Variants in WDR83OS observed in about 807,000 individuals in gnomAD.
The protein encoded by WDR83OS is WD repeat domain 83 opposite strand.
WDR83OS carries 15 observed loss-of-function variants against 13.7 expected under a neutral mutation model. The ratio of observed to expected loss-of-function variants is 1.09; its 90% CI spans 0.73 to 1.69. The LOEUF (loss-of-function observed/expected upper bound fraction) is 1.69. WDR83OS is among the 40% of genes most tolerant of loss of function. The probability of loss-of-function intolerance (pLI) is 0.00; values close to 1 mark genes in which losing one functional copy is unlikely to be tolerated. For missense variants in WDR83OS, 145 were observed against 143.2 expected (o/e 1.01, Z -0.06); for synonymous variants, 68 against 52.9 (o/e 1.29, Z -1.24).
chr19:12,668,168 G>A lies in WDR83OS; in HGVS notation c.*191C>T. On this transcript the variant is annotated 3_prime_UTR_variant, in exon 4 of 4. Transcript: ENST00000596731. ...GCATCTCCCCCAGCAGCAGGCAGGG[G>A]AAGGGAGGCAGGAGGGGTAAGCCTA... 1.7e-6 allele frequency: 1 copy of A among 587,868 alleles called. No homozygotes were observed. The highest frequency in any genetic ancestry group is 2.0e-5 in the South Asian group (1 of 49,520). 36.4% of individuals were successfully genotyped at this position (587,868 alleles called of 1,614,324 possible).
intron 1 of WDR83OS, 39 bp from the exon 2 acceptor site, chr19:12,669,272 C>T (rs770718756): frequency 1.9e-6 from 3 of 1,609,910 alleles, no homozygotes; most frequent in South Asian, 2.2e-5. Context: ...TCAGGTCCTG[C>T]CCCCGGGATA....
rs141385449 is a variant in WDR83OS at position 12,668,958 on chromosome 19, C to T, written c.156+170G>A. On this transcript the variant is annotated intron_variant, in intron 2 of 3. Transcript: ENST00000596731. ...TCCCCAACCTGACTCGAATCCTTGA[C>T]TTCACCAAAGACTGGGGCTTTCTCG... is the stretch of plus-strand genomic sequence containing the variant. 2.6e-5 allele frequency among the ~76,000 whole-genome samples: 4 copies of T among 152,306 alleles called. No individual in the cohort carries two copies. The East Asian group carries it at 7.7e-4, about 29-fold the overall frequency.
Position 12,668,366 on chromosome 19 carries a change from G to A in WDR83OS, c.314C>T (p.Pro105Leu). The A allele has an allele frequency of 1.2e-6, 2 of 1,612,544 alleles. No individual in the cohort carries two copies. The highest frequency in any genetic ancestry group is 1.7e-6 in the Non-Finnish European group (2 of 1,179,516). The change falls in exon 4 of 4, where the codon CCA becomes CTA. Residue 105 changes from proline (P) to leucine (L), a missense_variant. By Grantham distance (98) the Pro-to-Leu change is moderately conservative. Transcript: ENST00000596731. Reference protein sequence around the residue: ...YLQNPQPMTPPW With the variant: ...YLQNPQPMTPLW The stretch of plus-strand genomic sequence containing the variant: ...GACCCTTCTAGGCTGGTATCACCAT[G>A]GGGGCGTCATGGGCTGAGGATTCTG...
At chr19:12,668,903 C>T (rs930627027) in intron 2 of WDR83OS, among the ~76,000 whole-genome samples, 1 of 152,150 alleles carries the variant, frequency 6.6e-6, no homozygotes, top group African/African-American at 2.4e-5. Flanking sequence ...GCTTCAAAGC[C>T]TGGCCCCACT....
At chr19:12,668,758 C>T (rs1599364750) in intron 2 of WDR83OS, 141 bp from the exon 3 acceptor site, 2 of 715,330 alleles carry the variant, frequency 2.8e-6, no homozygotes, top group South Asian at 3.2e-5. Flanking sequence ...TTCCTCAGTC[C>T]CACCTGCTCA....
In WDR83OS at chr19:12,668,520, A is replaced by C; in HGVS notation, c.254T>G (p.Met85Arg). 1 of 1,614,152 alleles carries C rather than the reference A, an allele frequency of 6.2e-7. No individual in the cohort carries two copies. The highest frequency in any genetic ancestry group is 2.2e-5 in the East Asian group (1 of 44,886). Residue 85 changes from methionine to arginine, a missense_variant and splice_region_variant, in exon 3 of 4, where the codon ATG becomes AGG. Coordinates refer to ENST00000596731, the MANE Select transcript of WDR83OS (RefSeq NM_016145.4). ...EDTKQMMSSF[M>R]LSISAVVMSY... is the part of the protein sequence containing the mutation. The stretch of plus-strand genomic sequence containing the variant: ...ACTTGTTCTGTAGGGCAAGTCTCAC[A>C]TGAAGCTACTCATCATTTGCTTCGT...
Position 12,668,513 on chromosome 19 carries a change from G to C in WDR83OS, c.254+7C>G, listed in dbSNP as rs1032836220. The C allele has an allele frequency of 8.1e-6, 13 of 1,614,082 alleles. No homozygotes were observed. In the East Asian group the frequency reaches 2.9e-4, roughly 36 times the overall value. On this transcript the variant is annotated splice_region_variant and intron_variant, in intron 3 of 3. Coordinates refer to ENST00000596731, the MANE Select transcript of WDR83OS (RefSeq NM_016145.4). ...AAGAGTCACTTGTTCTGTAGGGCAA[G>C]TCTCACATGAAGCTACTCATCATTT...
rs137992994 is a variant in WDR83OS at position 12,668,218 on chromosome 19, G to A, written c.*141C>T. The A allele has an allele frequency of 4.0e-4, 331 of 835,186 alleles. No homozygotes were observed. The highest frequency in any genetic ancestry group is 1.9e-3 in the East Asian group (70 of 37,356). The allele number at this position is 835,186 out of a possible 1,614,324, so 51.7% of individuals were successfully genotyped here. Reference sequence around the variant, plus strand: ...AGGGTGTTCCCTAGGAAAGGGCCAGGTTCCCTCTATCCAGCTGGGGGCACC... The same window carrying A: ...AGGGTGTTCCCTAGGAAAGGGCCAGATTCCCTCTATCCAGCTGGGGGCACC... On this transcript the variant is annotated 3_prime_UTR_variant, in exon 4 of 4. Transcript: ENST00000596731.
Position 12,668,734 on chromosome 19 carries a change from TG to T in WDR83OS, c.157-118del, listed in dbSNP as rs1305350344. 4 of 863,920 alleles carry T rather than the reference TG, an allele frequency of 4.6e-6. No individual in the cohort carries two copies. In the Admixed American group the frequency reaches 8.1e-5, roughly 17 times the overall value. 53.5% of individuals were successfully genotyped at this position (863,920 alleles called of 1,614,324 possible). A position where few individuals can be genotyped will look rare whatever the true frequency, so the allele number is the denominator to read the frequency against. On this transcript the variant is annotated intron_variant, in intron 2 of 3. Transcript: ENST00000596731. Reference sequence around the variant, plus strand: ...ATTCCATCTGATGCAGCTGGGACCTTGCCCCACCCGGAATTCCTCAGTCCCA... The same window carrying T: ...ATTCCATCTGATGCAGCTGGGACCTTCCCCACCCGGAATTCCTCAGTCCCA...
intron 1 of WDR83OS, 38 bp from the exon 2 acceptor site, chr19:12,669,271 GC>G (rs2024339569): frequency 6.2e-7 from 1 of 1,611,108 alleles, no homozygotes. Flanking sequence ...CTCAGGTCCT[GC>G]CCCCGGGATA....
chr19:12,668,278 G>C lies in WDR83OS; in HGVS notation c.*81C>G. Reference sequence around the variant, plus strand: ...TCATTCAGGGAAGTCCAGGATGGCAGCTGAAGGCAGCAGGTTTAGCAGCCA... The same window carrying C: ...TCATTCAGGGAAGTCCAGGATGGCACCTGAAGGCAGCAGGTTTAGCAGCCA... On this transcript the variant is annotated 3_prime_UTR_variant, in exon 4 of 4. Transcript: ENST00000596731. 1 of 1,437,808 alleles carries C rather than the reference G, an allele frequency of 7.0e-7. No individual in the cohort carries two copies. The highest frequency in any genetic ancestry group is 1.4e-5 in the African/African-American group (1 of 70,996). 89.1% of individuals were successfully genotyped at this position (1,437,808 alleles called of 1,614,324 possible).
In WDR83OS at chr19:12,668,472, C is replaced by T. The variant is rs748541405; in HGVS notation, c.255-47G>A. 1.8e-5 allele frequency: 29 copies of T among 1,612,882 alleles called. No homozygotes were observed. In the South Asian group the frequency reaches 2.6e-4, roughly 15 times the overall value. On this transcript the variant is annotated intron_variant, in intron 3 of 3. Transcript: ENST00000596731. Reference sequence around the variant, plus strand: ...AGTCTAGGATGGCCAGGCTGGGGTCCCCCCACCCCTTACTCAAGAGTCACT... The same window carrying T: ...AGTCTAGGATGGCCAGGCTGGGGTCTCCCCACCCCTTACTCAAGAGTCACT...
intron 1 of WDR83OS, 32 bp from the exon 2 acceptor site, chr19:12,669,265 G>A: frequency 1.2e-6 from 2 of 1,612,090 alleles, no homozygotes; most frequent in Non-Finnish European, 1.7e-6. Flanking sequence ...GGGGCGCTCA[G>A]GTCCTGCCCC....
rs2145300109 is a variant in WDR83OS at position 12,668,094 on chromosome 19, C to T, written c.*265G>A. 1 of 430,664 alleles carries T rather than the reference C, an allele frequency of 2.3e-6. No homozygotes were observed. The highest frequency in any genetic ancestry group is 4.3e-6 in the Non-Finnish European group (1 of 232,870). The allele number at this position is 430,664 out of a possible 1,614,324, so 26.7% of individuals were successfully genotyped here. A position where few individuals can be genotyped will look rare whatever the true frequency, so the allele number is the denominator to read the frequency against. ...CAGCCAGAGTGAAAAACTTTATTAA[C>T]AACAGGTTTCAACGAGAAAGCAAAT... On this transcript the variant is annotated 3_prime_UTR_variant, in exon 4 of 4. Transcript: ENST00000596731.
At chr19:12,669,032 C>A in intron 2 of WDR83OS, 96 bp downstream of exon 2, 2 of 1,282,038 alleles carry the variant, frequency 1.6e-6, no homozygotes, top group Non-Finnish European at 1.1e-6. Flanking sequence ...GGTCCCGCCC[C>A]ATCAGCAATG....
chr19:12,668,866 C>T (rs148273250), intron 2 of WDR83OS, among the ~76,000 whole-genome samples: 14 of 152,278 alleles, frequency 9.2e-5, no homozygotes, highest in South Asian at 2.1e-4. Context: ...AAGACCCTGC[C>T]CTTTTTCCAC....
Position 12,669,409 on chromosome 19 carries a change from G to A in WDR83OS, c.-6C>T. 1 of 1,593,170 alleles carries A rather than the reference G, an allele frequency of 6.3e-7. No individual in the cohort carries two copies. The highest frequency in any genetic ancestry group is 1.1e-5 in the South Asian group (1 of 88,180). ...GACATATTGTTAGTGGACATAGCGA[G>A]TCGAAGGCCAGATCACGCCTCTTCC... On this transcript the variant is annotated 5_prime_UTR_variant, in exon 1 of 4. Transcript: ENST00000596731.
intron 2 of WDR83OS, 127 bp downstream of exon 2, chr19:12,669,001 C>T (rs1225711356): frequency 9.5e-6 from 9 of 948,750 alleles, no homozygotes; most frequent in Non-Finnish European, 1.3e-5. Context: ...GTCATCGCAG[C>T]CCCACTCCCG....
chr19:12,668,382 G>A lies in WDR83OS; in HGVS notation c.298C>T (p.Gln100Ter). ...TATCACCATGGGGGCGTCATGGGCT[G>A]AGGATTCTGCAGATAGGACATCACC... ...AVVMSYLQNP[Q>*]PMTPPW The change falls in exon 4 of 4, where the codon CAG becomes TAG. Residue 100 changes from glutamine (Q) to a stop codon, truncating the protein, a stop_gained. Transcript: ENST00000596731. LOFTEE classifies it high-confidence loss of function. 6.2e-7 allele frequency: 1 copy of A among 1,613,452 alleles called. No individual in the cohort carries two copies. Among genetic ancestry groups the A allele is most frequent in the Non-Finnish European group, 8.5e-7 (1 of 1,179,762 alleles).
Sources: gnomAD v4.1 joint callset for allele counts (sites outside exome capture counted in the v4.1 genomes callset) on GRCh38, gnomAD v4.1.1 for gene constraint, MANE v1.5 for transcripts, NCBI Gene and HGNC (gene_info 2026-07-23, HGNC 2026-07-21) for gene names.